DYDC1: variants seen among roughly 807,000 people sequenced by gnomAD.
DYDC1 encodes DPY30 domain containing 1.
A neutral mutation model predicts 27.9 loss-of-function variants in DYDC1; 21 were observed. The ratio of observed to expected loss-of-function variants is 0.75; its 90% CI spans 0.53 to 1.08. The LOEUF is 1.08. DYDC1 is among the 50% of genes least tolerant of loss of function. The pLI is 0.00. For synonymous variants in DYDC1, 67 were observed against 65.8 expected (o/e 1.02, Z -0.09); for missense variants, 202 against 205.9 (o/e 0.98, Z 0.12).
At chr10:80,353,469 T>C (rs1324999001) in intron 1 of DYDC1, among the ~76,000 whole-genome samples, 2 of 150,372 alleles carry the variant, frequency 1.3e-5, no homozygotes, top group African/African-American at 4.9e-5. Flanking sequence ...GCCGACCAGA[T>C]TGTTTTTAAA....
intron 5 of DYDC1, 70 bp downstream of exon 5, chr10:80,339,027 C>A: frequency 1.1e-6 from 1 of 875,912 alleles, no homozygotes; most frequent in South Asian, 2.0e-5. Flanking sequence ...ACTTATGCAT[C>A]AAAATTAAGC....
chr10:80,339,296 T>A, intron 4 of DYDC1, 143 bp from the exon 5 acceptor site: 3 of 371,898 alleles, frequency 8.1e-6, no homozygotes, highest in Non-Finnish European at 1.4e-5. Context: ...ATGATCTGAT[T>A]ACACATTACA....
chr10:80,353,155 A>G (rs1843105417), intron 1 of DYDC1, among the ~76,000 whole-genome samples: 1 of 152,102 alleles, frequency 6.6e-6, no homozygotes, highest in Non-Finnish European at 1.5e-5. Context: ...CCTTTTGAAA[A>G]AAAAAAATCC....
chr10:80,352,081 T>C (rs1843025838), intron 2 of DYDC1, 79 bp from the exon 3 acceptor site: 1 of 1,263,812 alleles, frequency 7.9e-7, no homozygotes. Flanking sequence ...AAGCACTTAA[T>C]AGGAACAATT....
intron 3 of DYDC1, among the ~76,000 whole-genome samples, chr10:80,349,669 T>G (rs1288206171): frequency 6.6e-6 from 1 of 152,148 alleles, no homozygotes; most frequent in African/African-American, 2.4e-5. Flanking sequence ...GTTAAATAAC[T>G]CCAATCTCTC....
At chr10:80,352,187 T>G (rs753647822) in intron 2 of DYDC1, among the ~76,000 whole-genome samples, 185 bp from the exon 3 acceptor site, 1 of 152,208 alleles carries the variant, frequency 6.6e-6, no homozygotes, top group Admixed American at 6.5e-5. Flanking sequence ...AATATTAAAG[T>G]TATACATTGT....
chr10:80,353,104 A>G (rs962182781), intron 1 of DYDC1, among the ~76,000 whole-genome samples: 1 of 152,042 alleles, frequency 6.6e-6, no homozygotes. Context: ...TGTTCCTCCT[A>G]AGCCATGAGA....
chr10:80,342,375 AAT>A lies in DYDC1; in HGVS notation c.250-16_250-15del. 6.2e-7 allele frequency: 1 copy of A among 1,611,118 alleles called. No individual in the cohort carries two copies. The highest frequency in any genetic ancestry group is 8.5e-7 in the Non-Finnish European group (1 of 1,179,138). On this transcript the variant is annotated splice_polypyrimidine_tract_variant and intron_variant, in intron 3 of 6. Transcript: ENST00000372202. ...TGCCAGCTGTTGCTGAATATTCAGA[AAT>A]ATGTCATATTACAGTTAGATTAATT...
intron 4 of DYDC1, 109 bp downstream of exon 4, chr10:80,342,160 T>G: frequency 9.8e-7 from 1 of 1,017,988 alleles, no homozygotes; most frequent in Non-Finnish European, 1.5e-6. Context: ...GTATGTGGCA[T>G]GTCTTCAGAC....
intron 3 of DYDC1, among the ~76,000 whole-genome samples, chr10:80,350,221 C>T (rs1159509156): frequency 6.6e-6 from 1 of 152,196 alleles, no homozygotes; most frequent in East Asian, 1.9e-4. Context: ...TGGATTAGTT[C>T]ATACCGGTCA....
At chr10:80,336,368 T>C in intron 6 of DYDC1, 183 bp from the exon 7 acceptor site, 4 of 978,452 alleles carry the variant, frequency 4.1e-6, no homozygotes, top group Non-Finnish European at 4.9e-6. Context: ...CTCAAAGTAG[T>C]TATTGTTCCA....
chr10:80,337,028 G>T, intron 6 of DYDC1: 3 of 717,970 alleles, frequency 4.2e-6, no homozygotes, highest in Non-Finnish European at 5.1e-6. Context: ...GACCCAGTGT[G>T]CTCTGCCTTT....
chr10:80,336,837 C>T (rs1418983585), intron 6 of DYDC1, among the ~76,000 whole-genome samples: 1 of 152,246 alleles, frequency 6.6e-6, no homozygotes, highest in African/African-American at 2.4e-5. Flanking sequence ...TCCATCTCTG[C>T]TGTCTAACCC....
chr10:80,340,821 T>G (rs1842293702), intron 4 of DYDC1, among the ~76,000 whole-genome samples: 1 of 152,184 alleles, frequency 6.6e-6, no homozygotes, highest in Non-Finnish European at 1.5e-5. Context: ...CCTTAAACAT[T>G]ATTTCTTTGT....
intron 3 of DYDC1, among the ~76,000 whole-genome samples, chr10:80,349,168 G>A (rs1260377570): frequency 2.6e-5 from 4 of 152,238 alleles, no homozygotes; most frequent in Non-Finnish European, 5.9e-5. Flanking sequence ...TGGGATTACA[G>A]GCGTGAGCCA....
rs1426654352 is a variant in DYDC1, at chr10:80,336,138, C to T, written c.*18G>A. On this transcript the variant is annotated 3_prime_UTR_variant, in exon 7 of 7. Coordinates refer to ENST00000372202, the MANE Select transcript of DYDC1 (RefSeq NM_001269053.2). The stretch of plus-strand genomic sequence containing the variant: ...TTGAAACAAACAAAAACATTTATTG[C>T]TCTTAGGTTGGTTGGTCCTACAAAT... 2 of 1,408,180 alleles carry T rather than the reference C, an allele frequency of 1.4e-6. No homozygotes were observed. Among genetic ancestry groups the T allele is most frequent in the Non-Finnish European group, 2.0e-6 (2 of 1,012,872 alleles). 87.2% of individuals were successfully genotyped at this position (1,408,180 alleles called of 1,614,324 possible). A position where few individuals can be genotyped will look rare whatever the true frequency, so the allele number is the denominator to read the frequency against.
chr10:80,355,189 A>C (rs563163436), intron 1 of DYDC1, among the ~76,000 whole-genome samples: 29 of 152,076 alleles, frequency 1.9e-4, no homozygotes, highest in African/African-American at 7.0e-4. Context: ...CATGGCAATT[A>C]CAGGGGATAG....
chr10:80,341,873 A>C (rs1003347871), intron 4 of DYDC1, among the ~76,000 whole-genome samples: 1 of 152,040 alleles, frequency 6.6e-6, no homozygotes, highest in Admixed American at 6.5e-5. Context: ...AAAAATACAA[A>C]ATCAGCCGGG....
At chr10:80,353,438 A>T (rs1843128014) in intron 1 of DYDC1, among the ~76,000 whole-genome samples, 1 of 149,750 alleles carries the variant, frequency 6.7e-6, no homozygotes, top group African/African-American at 2.5e-5. Context: ...CTGGGATTAC[A>T]GGCGTGAGCC....
Sources: gnomAD v4.1 joint callset for allele counts (sites outside exome capture counted in the v4.1 genomes callset) on GRCh38, gnomAD v4.1.1 for gene constraint, MANE v1.5 for transcripts, NCBI Gene and HGNC (gene_info 2026-07-23, HGNC 2026-07-21) for gene names.